Variants in MBNL2 observed in about 807,000 individuals in gnomAD.
MBNL2 encodes the protein muscleblind like splicing regulator 2, also known as muscleblind-like protein 2.
In MBNL2, 17 loss-of-function variants were observed where a neutral mutation model predicts 41.9. That is an observed-to-expected ratio of 0.41 (90% confidence interval 0.28 to 0.61). The LOEUF (loss-of-function observed/expected upper bound fraction) is 0.61, where lower values mean the gene tolerates loss of function less well. Ranked by LOEUF, MBNL2 falls within the 20% of genes least tolerant of loss-of-function variation. The pLI is 0.35. For synonymous variants in MBNL2, 195 were observed against 182.9 expected (o/e 1.07, Z -0.53); for missense variants, 336 against 505.6 (o/e 0.66, Z 3.22).
intron 4 of MBNL2, among the ~76,000 whole-genome samples, chr13:97,344,583 T>C (rs1000392884): frequency 2.6e-5 from 4 of 152,280 alleles, no homozygotes; most frequent in Admixed American, 2.6e-4. Context: ...AGAAGATATT[T>C]ATTTTTTCAC....
Position 97,390,538 on chromosome 13 carries a change from G to A in MBNL2, c.1049-784G>A, listed in dbSNP as rs922796581. On this transcript the variant is annotated intron_variant, in intron 8 of 8. Coordinates refer to ENST00000679496, the MANE Select transcript of MBNL2 (RefSeq NM_001382683.1). Reference sequence around the variant, plus strand: ...TTTGTTACGGTGTGTTAAAAACTTGGCTTTTAACCTTGACATTTAATGGAT... The same window carrying A: ...TTTGTTACGGTGTGTTAAAAACTTGACTTTTAACCTTGACATTTAATGGAT... Among the ~76,000 whole-genome samples, 2 of 152,106 alleles carry A rather than the reference G, an allele frequency of 1.3e-5. 1 individual carries two copies. The highest frequency in any genetic ancestry group is 1.3e-4 in the Admixed American group (2 of 15,278).
In MBNL2 at chr13:97,346,739, C is replaced by T. The variant is rs918195200; in HGVS notation, c.541-65C>T. 8.9e-6 allele frequency: 13 copies of T among 1,457,770 alleles called. No homozygotes were observed. In the East Asian group the frequency reaches 1.8e-4, roughly 21 times the overall value. The allele number at this position is 1,457,770 out of a possible 1,614,324, so 90.3% of individuals were successfully genotyped here. A position where few individuals can be genotyped will look rare whatever the true frequency, so the allele number is the denominator to read the frequency against. ...CAGCCTCCGCTCCTCCCGCGGTGGC[C>T]GGGGCCGCAGGGGCGCCTGGGCTCA... is the stretch of plus-strand genomic sequence containing the variant. On this transcript the variant is annotated intron_variant, in intron 4 of 8. Coordinates refer to ENST00000679496, the MANE Select transcript of MBNL2 (RefSeq NM_001382683.1). This position sits in a 1 kb window ranked among gnomAD's most constrained non-coding sequence, Gnocchi z 4.2.
Position 97,222,346 on chromosome 13 carries a change from T to C in MBNL2, c.-790T>C. ...GCAACAGAGTTTAGACTGTCTTTGC[T>C]TCATCATCTGAAGGTAAAATTTTCC... On this transcript the variant is annotated 5_prime_UTR_variant, in exon 1 of 9. Transcript: ENST00000679496. 1 of 398,586 alleles carries C rather than the reference T, an allele frequency of 2.5e-6. No individual in the cohort carries two copies. The highest frequency in any genetic ancestry group is 4.4e-6 in the Non-Finnish European group (1 of 226,024). 24.7% of individuals were successfully genotyped at this position (398,586 alleles called of 1,614,324 possible).
At chr13:97,182,987 A>G in the MBNL2 span, among the ~76,000 whole-genome samples, 2 of 152,232 alleles carry the variant, frequency 1.3e-5, no homozygotes, top group African/African-American at 4.8e-5. Context: ...TACAATATCA[A>G]TAAAAAGTCT....
the MBNL2 span, among the ~76,000 whole-genome samples, chr13:97,213,098 T>C: frequency 6.6e-6 from 1 of 152,168 alleles, no homozygotes; most frequent in Non-Finnish European, 1.5e-5. Flanking sequence ...GAAAGTAGCA[T>C]TGAGGTGTGC....
chr13:97,235,214 C>CT lies in MBNL2; in HGVS notation c.-605+12692dup, dbSNP rs71117636. On this transcript the variant is annotated intron_variant, in intron 1 of 8. Coordinates refer to ENST00000679496, the MANE Select transcript of MBNL2 (RefSeq NM_001382683.1). ...GCCCCTACTCTATCACAAACTCTGT[C>CT]TTTTTTTTTCCTCTGTACTAGTATT... Among the ~76,000 whole-genome samples the CT allele has an allele frequency of 4.0e-3, 605 of 151,544 alleles. 3 individuals are homozygous for CT. The highest frequency in any genetic ancestry group is 5.6e-3 in the Non-Finnish European group (382 of 67,836).
At chr13:97,216,218 T>TA in the MBNL2 span, among the ~76,000 whole-genome samples, 25,870 of 151,774 alleles carry the variant, frequency 0.17, 2,948 homozygotes, top group African/African-American at 0.33. Context: ...ACCAACATGT[T>TA]AAAAAAAATA....
intron 2 of MBNL2, among the ~76,000 whole-genome samples, chr13:97,285,816 A>G (rs1228452763): frequency 4.0e-5 from 6 of 151,690 alleles, no homozygotes; most frequent in Non-Finnish European, 5.9e-5. Flanking sequence ...TGATTTGGTG[A>G]TTCACTCTCA....
chr13:97,274,501 G>A (rs2051764005), intron 1 of MBNL2, among the ~76,000 whole-genome samples: 1 of 150,654 alleles, frequency 6.6e-6, no homozygotes, highest in Non-Finnish European at 1.5e-5. Context: ...GGGTGACAGA[G>A]AAAGACTCCA....
At chr13:97,290,569 G>T (rs1045472728) in intron 2 of MBNL2, among the ~76,000 whole-genome samples, 7 of 151,944 alleles carry the variant, frequency 4.6e-5, no homozygotes, top group African/African-American at 1.5e-4. Flanking sequence ...CCAGCTACTC[G>T]GGAGGCTGAG....
chr13:97,240,617 C>T (rs921175217), intron 1 of MBNL2, among the ~76,000 whole-genome samples: 1 of 152,252 alleles, frequency 6.6e-6, no homozygotes, highest in South Asian at 2.1e-4. Flanking sequence ...TCACAAAGAT[C>T]CCATTGTTCT....
intron 1 of MBNL2, among the ~76,000 whole-genome samples, chr13:97,227,538 C>G (rs1470734721): frequency 1.3e-5 from 2 of 152,162 alleles, no homozygotes; most frequent in African/African-American, 4.8e-5. Context: ...TCTTAATTAG[C>G]AGTTCAAATA....
rs528438411 is a variant in MBNL2, at chr13:97,311,170, G to A, written c.175-23106G>A. 9.9e-5 allele frequency among the ~76,000 whole-genome samples: 15 copies of A among 152,272 alleles called. 2 individuals carry two copies. Among genetic ancestry groups the A allele is most frequent in the African/African-American group, 3.6e-4 (15 of 41,552 alleles). ...GCTTTTCACAAAATTATTTATGAAA[G>A]TGCAGAACTGTAAAGAGCCAGAATG... On this transcript the variant is annotated intron_variant, in intron 2 of 8. Transcript: ENST00000679496.
At chr13:97,186,274 G>A in the MBNL2 span, among the ~76,000 whole-genome samples, 68 of 152,126 alleles carry the variant, frequency 4.5e-4, no homozygotes, top group Non-Finnish European at 7.4e-4. Flanking sequence ...AACTGAGCTC[G>A]TAATTTCCCC....
rs1412955904 is a variant in MBNL2 at position 97,227,064 on chromosome 13, T to TA, written c.-605+4533_-605+4534insA. Among the ~76,000 whole-genome samples the TA allele has an allele frequency of 2.0e-4, 13 of 63,986 alleles. 1 individual carries two copies. Among genetic ancestry groups the TA allele is most frequent in the African/African-American group, 7.4e-4 (12 of 16,136 alleles). The allele number at this position is 63,986 out of a possible 152,430, so 42.0% of individuals were successfully genotyped here. On this transcript the variant is annotated intron_variant, in intron 1 of 8. Coordinates refer to ENST00000679496, the MANE Select transcript of MBNL2 (RefSeq NM_001382683.1). Reference sequence around the variant, plus strand: ...ACAAAAAAAAAAAACAAAAAAAAAATCAAAAAAAAAAAATATATTTCCTTT... The same window carrying TA: ...ACAAAAAAAAAAAACAAAAAAAAAATACAAAAAAAAAAAATATATTTCCTTT...
intron 1 of MBNL2, among the ~76,000 whole-genome samples, chr13:97,232,602 A>T (rs984491554): frequency 7.2e-5 from 11 of 152,148 alleles, no homozygotes; most frequent in African/African-American, 2.7e-4. Flanking sequence ...ACCAGTTCTT[A>T]CTTGGGGATT....
At chr13:97,194,530 G>A in the MBNL2 span, among the ~76,000 whole-genome samples, 5 of 152,118 alleles carry the variant, frequency 3.3e-5, no homozygotes, top group East Asian at 5.8e-4. Context: ...TAGCAACTTC[G>A]TCTTGAATAA....
chr13:97,193,294 T>A, the MBNL2 span, among the ~76,000 whole-genome samples: 1 of 152,178 alleles, frequency 6.6e-6, no homozygotes, highest in African/African-American at 2.4e-5. Flanking sequence ...CCTCTTTTAG[T>A]TGGATTTTGG....
the MBNL2 span, among the ~76,000 whole-genome samples, chr13:97,174,685 G>A: frequency 5.3e-4 from 80 of 152,302 alleles, 4 homozygotes; most frequent in South Asian, 0.013. Context: ...GGCTGTAGAA[G>A]AAGCAGACTC....
Sources: gnomAD v4.1 joint callset for allele counts (sites outside exome capture counted in the v4.1 genomes callset) on GRCh38, gnomAD v4.1.1 for gene constraint, Gnocchi (gnomAD v3.1) non-coding constraint, MANE v1.5 for transcripts, NCBI Gene and HGNC (gene_info 2026-07-23, HGNC 2026-07-21) for gene names.